Variants in CFAP61 observed in about 807,000 individuals in gnomAD.
CFAP61 encodes cilia- and flagella-associated protein 61.
A neutral mutation model predicts 135.6 loss-of-function variants in CFAP61; 107 were observed. That is an observed-to-expected ratio of 0.79 (90% CI 0.67 to 0.93). The LOEUF is 0.93. CFAP61 is among the 40% of genes least tolerant of loss of function. The pLI, the probability that CFAP61 is intolerant of heterozygous loss-of-function variation, is 0.00. For missense variants in CFAP61, 1,507 were observed against 1,556.2 expected (o/e 0.97, Z 0.53); for synonymous variants, 575 against 578.5 (o/e 0.99, Z 0.09).
Position 20,276,583 on chromosome 20 carries a change from T to C in CFAP61, c.2504-583T>C, listed in dbSNP as rs559468761. ...ATTTTATTTTTGCTAACAAAAATAC[T>C]GTCTTTCAGTCCCTCTAGCTAGGTC... On this transcript the variant is annotated intron_variant, in intron 21 of 26. Coordinates refer to ENST00000245957, the MANE Select transcript of CFAP61 (RefSeq NM_015585.4). Among the ~76,000 whole-genome samples, 5 of 152,366 alleles carry C rather than the reference T, an allele frequency of 3.3e-5. No individual in the cohort carries two copies. The East Asian group carries it at 9.6e-4, about 29-fold the overall frequency.
chr20:20,098,076 G>A (rs2047715091), intron 7 of CFAP61, among the ~76,000 whole-genome samples: 2 of 152,138 alleles, frequency 1.3e-5, no homozygotes, highest in African/African-American at 4.8e-5. Context: ...TCTGAGCAGA[G>A]GGCAAGTGTT....
At chr20:20,085,402 T>G (rs1303865054) in intron 6 of CFAP61, 2 of 1,357,424 alleles carry the variant, frequency 1.5e-6, no homozygotes, top group Non-Finnish European at 2.0e-6. Context: ...TCATAAATTA[T>G]CAATTACCCC....
intron 13 of CFAP61, among the ~76,000 whole-genome samples, chr20:20,185,905 C>G (rs1225814332): frequency 6.6e-6 from 1 of 152,134 alleles, no homozygotes; most frequent in Non-Finnish European, 1.5e-5. Flanking sequence ...GCCTTAAGAT[C>G]TGGTTTAGCT....
intron 13 of CFAP61, among the ~76,000 whole-genome samples, chr20:20,186,978 G>A (rs1470194125): frequency 6.6e-6 from 1 of 152,112 alleles, no homozygotes; most frequent in African/African-American, 2.4e-5. Context: ...TCCTTCCCAT[G>A]GGCTCCAACC....
At chr20:20,056,448 T>C (rs1356928024) in intron 1 of CFAP61, among the ~76,000 whole-genome samples, 170 bp from the exon 2 acceptor site, 1 of 152,228 alleles carries the variant, frequency 6.6e-6, no homozygotes, top group Non-Finnish European at 1.5e-5. Flanking sequence ...CATTCTCCTA[T>C]GGAGGAACGT....
In CFAP61 at chr20:20,251,778, AG is replaced by A; in HGVS notation, c.2328+20del. The A allele has an allele frequency of 1.2e-6, 2 of 1,611,546 alleles. No homozygotes were observed. ...AGCAGTACCAGGTAAGGCCGGGCACAGGGGGCGCAAGCCACGTGTCTGGAGA... is the reference window on the plus strand; with the variant it reads ...AGCAGTACCAGGTAAGGCCGGGCACAGGGGCGCAAGCCACGTGTCTGGAGA... On this transcript the variant is annotated intron_variant, in intron 20 of 26. Transcript: ENST00000245957.
At position 20,075,277 on chromosome 20, in the gene CFAP61, T is replaced by G. The variant is rs371978326; in HGVS notation, c.439+21T>G. 1.9e-6 allele frequency: 3 copies of G among 1,611,156 alleles called. No individual in the cohort carries two copies. In the African/African-American group the frequency reaches 4.0e-5, roughly 22 times the overall value. ...CCTAGGTAAGGCCCGCCCAACCACC[T>G]CTGGTCCCCGGTAGCAAACATTGAA... On this transcript the variant is annotated intron_variant, in intron 5 of 26. Coordinates refer to ENST00000245957, the MANE Select transcript of CFAP61 (RefSeq NM_015585.4).
chr20:20,098,903 G>A (rs2047796672), intron 8 of CFAP61, 89 bp downstream of exon 8: 5 of 1,195,294 alleles, frequency 4.2e-6, no homozygotes, highest in Non-Finnish European at 5.8e-6. Context: ...AACTAGATAG[G>A]ATGCTTTATA....
intron 16 of CFAP61, 38 bp downstream of exon 16, chr20:20,196,814 A>T (rs755236538): frequency 6.4e-7 from 1 of 1,551,298 alleles, no homozygotes; most frequent in South Asian, 1.1e-5. Flanking sequence ...CAGCAGGTCA[A>T]CGTTCACAGT....
chr20:20,291,001 CTT>C (rs1361782011), intron 24 of CFAP61, among the ~76,000 whole-genome samples: 3 of 152,108 alleles, frequency 2.0e-5, no homozygotes, highest in African/African-American at 7.2e-5. Flanking sequence ...TTTCAATAGA[CTT>C]TATTTTTTAG....
At position 20,199,902 on chromosome 20, in the gene CFAP61, G is replaced by A. The variant is rs764333140; in HGVS notation, c.1932G>A (p.Pro644=). The A allele has an allele frequency of 8.7e-6, 14 of 1,613,752 alleles. No individual in the cohort carries two copies. The highest frequency in any genetic ancestry group is 1.1e-5 in the South Asian group (1 of 91,086). The change falls in exon 17 of 27, where the codon CCG becomes CCA. Residue 644 remains proline, a splice_region_variant and synonymous_variant. Coordinates refer to ENST00000245957, the MANE Select transcript of CFAP61 (RefSeq NM_015585.4). ...NAPSKAVSKD[P]MSYALNHTNR... ...CATCAAAGGCGGTCTCCAAGGATCCGGTGGGTAGCAGGGCGGCAGGCAGGG... is the reference window on the plus strand; with the variant it reads ...CATCAAAGGCGGTCTCCAAGGATCCAGTGGGTAGCAGGGCGGCAGGCAGGG...
chr20:20,272,519 A>T (rs2053440884), intron 21 of CFAP61, among the ~76,000 whole-genome samples: 1 of 152,208 alleles, frequency 6.6e-6, no homozygotes, highest in South Asian at 2.1e-4. Context: ...TTACCTGTCT[A>T]TACAGCTATC....
intron 2 of CFAP61, among the ~76,000 whole-genome samples, chr20:20,061,105 TAA>T (rs1161201998): frequency 3.9e-5 from 6 of 152,136 alleles, no homozygotes; most frequent in African/African-American, 1.2e-4. Flanking sequence ...CTGGAACAGA[TAA>T]TAAAGACTGT....
chr20:20,187,971 G>C lies in CFAP61; in HGVS notation c.1427G>C (p.Gly476Ala), dbSNP rs200764112. ...IRFATLLDTP[G>A]VENLVSTLML... is the part of the protein sequence containing the mutation. ...TTTGCCACTCTCTTGGATACTCCTG[G>C]TGTGGAAAATCTTGTCAGCACCCTC... The change falls in exon 14 of 27, where the codon GGT becomes GCT. Residue 476 changes from glycine to alanine, a missense_variant. Transcript: ENST00000245957. 1 of 1,613,556 alleles carries C rather than the reference G, an allele frequency of 6.2e-7. No homozygotes were observed. The highest frequency in any genetic ancestry group is 8.5e-7 in the Non-Finnish European group (1 of 1,179,550).
At chr20:20,204,064 A>G (rs564419405) in intron 17 of CFAP61, among the ~76,000 whole-genome samples, 34 of 152,092 alleles carry the variant, frequency 2.2e-4, no homozygotes, top group Admixed American at 5.9e-4. Context: ...CATTGCCTCA[A>G]TGTCAATAGT....
At chr20:20,349,991 A>G (rs2058773170) in intron 26 of CFAP61, among the ~76,000 whole-genome samples, 1 of 152,238 alleles carries the variant, frequency 6.6e-6, no homozygotes, top group African/African-American at 2.4e-5. Flanking sequence ...CTACAAAGCA[A>G]CAGTAACCAA....
intron 25 of CFAP61, among the ~76,000 whole-genome samples, chr20:20,307,912 G>A (rs7264960): frequency 6.6e-6 from 1 of 152,270 alleles, no homozygotes; most frequent in East Asian, 1.9e-4. Context: ...CAACCACTGG[G>A]CACCCAAAGC....
At chr20:20,243,296 A>G (rs1019052350) in intron 18 of CFAP61, among the ~76,000 whole-genome samples, 7 of 152,138 alleles carry the variant, frequency 4.6e-5, no homozygotes, top group African/African-American at 1.4e-4. Flanking sequence ...CCCACAACAC[A>G]TGGGAATTAT....
intron 19 of CFAP61, among the ~76,000 whole-genome samples, chr20:20,250,891 G>C (rs2050830430): frequency 6.6e-6 from 1 of 152,218 alleles, no homozygotes; most frequent in South Asian, 2.1e-4. Context: ...AGCCAGTGCA[G>C]CCACAGCACG....
Sources: gnomAD v4.1 joint callset for allele counts (sites outside exome capture counted in the v4.1 genomes callset) on GRCh38, gnomAD v4.1.1 for gene constraint, MANE v1.5 for transcripts, NCBI Gene and HGNC (gene_info 2026-07-23, HGNC 2026-07-21) for gene names.